The following N4BP2L2 variants were observed in gnomAD, a reference collection of about 807,000 sequenced individuals.
N4BP2L2 encodes NEDD4 binding protein 2 like 2, also known as NEDD4-binding protein 2-like 2.
A neutral mutation model predicts 56.2 loss-of-function variants in N4BP2L2; 50 were observed. The observed-to-expected ratio is 0.89, with a 90% CI of 0.71 to 1.13. N4BP2L2 has a LOEUF of 1.13. Ranked by LOEUF, N4BP2L2 falls within the 50% of genes most tolerant of loss-of-function variation. The pLI is 0.00. For synonymous variants in N4BP2L2, 203 were observed against 223.6 expected (o/e 0.91, Z 0.82); for missense variants, 689 against 693.8 (o/e 0.99, Z 0.08).
At chr13:32,469,577 C>T (rs892027958) in intron 6 of N4BP2L2, among the ~76,000 whole-genome samples, 1 of 152,158 alleles carries the variant, frequency 6.6e-6, no homozygotes, top group African/African-American at 2.4e-5. Flanking sequence ...GCCTAGGGAC[C>T]CCCACCCCCA....
chr13:32,499,516 T>C (rs1477829969), intron 6 of N4BP2L2, among the ~76,000 whole-genome samples: 4 of 152,230 alleles, frequency 2.6e-5, no homozygotes, highest in African/African-American at 4.8e-5. Flanking sequence ...TTGTTTTCTA[T>C]ACAATGTTCT....
intron 2 of N4BP2L2, among the ~76,000 whole-genome samples, chr13:32,533,303 A>G (rs959683489): frequency 1.3e-5 from 2 of 152,024 alleles, no homozygotes; most frequent in Admixed American, 6.6e-5. Context: ...CCTATGGGCC[A>G]AAACTATGGC....
intron 6 of N4BP2L2, chr13:32,444,154 T>C (rs759494211): frequency 1.4e-6 from 2 of 1,437,218 alleles, no homozygotes; most frequent in East Asian, 4.7e-5. Context: ...TAAGAAAATG[T>C]ATGACTTAAT....
chr13:32,438,849 T>C, intron 7 of N4BP2L2: 3 of 709,170 alleles, frequency 4.2e-6, no homozygotes, highest in Non-Finnish European at 7.0e-6. Context: ...AAAAGTCTGG[T>C]TTTAAAGATA....
chr13:32,523,933 C>T (rs1168282433), intron 3 of N4BP2L2: 1 of 152,094 alleles, frequency 6.6e-6, no homozygotes, highest in African/African-American at 2.4e-5. Context: ...TGTAACCAAA[C>T]ACCTCTTGTT....
chr13:32,460,997 G>C (rs1472418125), intron 6 of N4BP2L2, among the ~76,000 whole-genome samples: 1 of 152,006 alleles, frequency 6.6e-6, no homozygotes, highest in Non-Finnish European at 1.5e-5. Flanking sequence ...ATGGCACCAA[G>C]AACATACATT....
intron 2 of N4BP2L2, among the ~76,000 whole-genome samples, chr13:32,533,515 ATTTTTTTT>A (rs766383227): frequency 6.5e-5 from 8 of 122,264 alleles, no homozygotes; most frequent in Admixed American, 1.7e-4. Flanking sequence ...AGCATTACTA[ATTTTTTTT>A]TTTTTTTTTT....
chr13:32,460,285 G>C (rs775516472), intron 6 of N4BP2L2, among the ~76,000 whole-genome samples: 60 of 152,204 alleles, frequency 3.9e-4, no homozygotes, highest in Non-Finnish European at 7.5e-4. Context: ...ATTCAATACA[G>C]TACTGAGAGT....
chr13:32,438,625 T>TACAC lies in N4BP2L2; in HGVS notation c.2190+23_2190+26dup, dbSNP rs374411974. 441 of 1,425,350 alleles carry TACAC rather than the reference T, an allele frequency of 3.1e-4. No homozygotes were observed. In the African/African-American group the frequency reaches 4.6e-3, roughly 15 times the overall value. 88.3% of individuals were successfully genotyped at this position (1,425,350 alleles called of 1,614,324 possible). A position where few individuals can be genotyped will look rare whatever the true frequency, so the allele number is the denominator to read the frequency against. Reference sequence around the variant, plus strand: ...AAACAACAACAACAACAAAAATACATACACACACACACACACACATATATA... The same window carrying TACAC: ...AAACAACAACAACAACAAAAATACATACACACACACACACACACACACATATATA... On this transcript the variant is annotated intron_variant, in intron 8 of 9. Transcript: ENST00000357505.
At position 32,480,437 on chromosome 13, in the gene N4BP2L2, A is replaced by G. The variant is rs186639131; in HGVS notation, c.366-36311T>C. 2.0e-3 allele frequency among the ~76,000 whole-genome samples: 304 copies of G among 152,308 alleles called. 1 individual carries two copies. The highest frequency in any genetic ancestry group is 7.0e-3 in the African/African-American group (293 of 41,564). ...CAGATTAAAAGTTCACTTGACAGGG[A>G]ATTTTAGTGAGAACTCAAGCACTTA... is the stretch of plus-strand genomic sequence containing the variant. On this transcript the variant is annotated intron_variant, in intron 6 of 9. Transcript: ENST00000357505.
At chr13:32,538,804 C>T (rs1370372019), upstream of N4BP2L2, 1 of 985,326 alleles carries the variant, frequency 1.0e-6, no homozygotes, top group African/African-American at 1.7e-5. Context: ...GCGGTCACCT[C>T]TCGGTTACCC....
intron 2 of N4BP2L2, among the ~76,000 whole-genome samples, chr13:32,530,189 A>G (rs752970208): frequency 5.3e-5 from 8 of 152,228 alleles, no homozygotes; most frequent in Non-Finnish European, 1.2e-4. Context: ...CTCTATAAAG[A>G]ACATTTTCTT....
intron 4 of N4BP2L2, 101 bp downstream of exon 4, chr13:32,522,081 G>A: frequency 2.7e-6 from 2 of 747,382 alleles, no homozygotes; most frequent in South Asian, 1.7e-5. Flanking sequence ...GAAAACAAAG[G>A]ACAAATGTTT....
At chr13:32,520,804 G>A (rs911246574) in intron 5 of N4BP2L2, among the ~76,000 whole-genome samples, 4 of 152,168 alleles carry the variant, frequency 2.6e-5, no homozygotes, top group Non-Finnish European at 5.9e-5. Flanking sequence ...ACTGAAATCT[G>A]GTTAAGCTGC....
At chr13:32,529,605 G>T (rs2054045444) in intron 2 of N4BP2L2, among the ~76,000 whole-genome samples, 1 of 151,372 alleles carries the variant, frequency 6.6e-6, no homozygotes, top group Non-Finnish European at 1.5e-5. Context: ...ATGTTCAACA[G>T]TACCAGAAAT....
chr13:32,509,569 A>G (rs2091454031), downstream of N4BP2L2, among the ~76,000 whole-genome samples: 1 of 152,222 alleles, frequency 6.6e-6, no homozygotes, highest in Admixed American at 6.5e-5. Context: ...TCCAAAGATA[A>G]CAAGATCCCT....
At chr13:32,459,287 C>A (rs895433288) in intron 6 of N4BP2L2, among the ~76,000 whole-genome samples, 1 of 151,582 alleles carries the variant, frequency 6.6e-6, no homozygotes, top group Admixed American at 6.6e-5. Flanking sequence ...TATTAAAAAT[C>A]AGAGAAGTAA....
intron 6 of N4BP2L2, among the ~76,000 whole-genome samples, chr13:32,457,781 A>G (rs1396849865): frequency 6.6e-6 from 1 of 152,248 alleles, no homozygotes; most frequent in African/African-American, 2.4e-5. Context: ...AAAACACATG[A>G]AAGTATAAAA....
At chr13:32,501,431 C>CAT (rs1555265424) in intron 6 of N4BP2L2, among the ~76,000 whole-genome samples, 24 of 149,882 alleles carry the variant, frequency 1.6e-4, no homozygotes, top group Admixed American at 6.6e-4. Context: ...AAATAAAAAC[C>CAT]TTTTTTTTTT....
Sources: gnomAD v4.1 joint callset for allele counts (sites outside exome capture counted in the v4.1 genomes callset) on GRCh38, gnomAD v4.1.1 for gene constraint, MANE v1.5 for transcripts, NCBI Gene and HGNC (gene_info 2026-07-23, HGNC 2026-07-21) for gene names.